PITPNC1: variants seen among roughly 807,000 people sequenced by gnomAD.
PITPNC1 encodes phosphatidylinositol transfer protein cytoplasmic 1, also known as cytoplasmic phosphatidylinositol transfer protein 1.
A neutral mutation model predicts 44.7 loss-of-function variants in PITPNC1; 18 were observed. The ratio of observed to expected loss-of-function variants is 0.40; its 90% CI spans 0.28 to 0.60. The LOEUF (loss-of-function observed/expected upper bound fraction) is 0.60, where lower values mean the gene tolerates loss of function less well. Among genes scored for constraint, PITPNC1 ranks in the 20% least tolerant of loss-of-function variants. The pLI, the probability that PITPNC1 is intolerant of heterozygous loss-of-function variation, is 0.39. For missense variants in PITPNC1, 290 were observed against 418.4 expected (o/e 0.69, Z 2.68); for synonymous variants, 141 against 149.6 (o/e 0.94, Z 0.42).
chr17:67,596,004 G>A (rs543350668), intron 5 of PITPNC1, among the ~76,000 whole-genome samples: 1 of 152,176 alleles, frequency 6.6e-6, no homozygotes, highest in South Asian at 2.1e-4. Flanking sequence ...AGATACTCAG[G>A]GGTAAAACCA....
rs562355225 is a variant in PITPNC1, at chr17:67,624,533, GTTTGTTTTGT to G, written c.367-7596_367-7587del. Among the ~76,000 whole-genome samples, 402 of 151,386 alleles carry G rather than the reference GTTTGTTTTGT, an allele frequency of 2.7e-3. 4 individuals are homozygous for G. Among genetic ancestry groups the G allele is most frequent in the Non-Finnish European group, 3.7e-3 (254 of 67,836 alleles). On this transcript the variant is annotated intron_variant, in intron 5 of 8. Transcript: ENST00000581322. ...TTCTTTCTTTCTGTTTTGTTTTTTT[GTTTGTTTTGT>G]TTTGTTTTGTTTTTTATTTATACCG...
In PITPNC1 at chr17:67,679,302, T is replaced by A. The variant is rs568131019; in HGVS notation, c.682+3760T>A. Among the ~76,000 whole-genome samples, 9 of 152,344 alleles carry A rather than the reference T, an allele frequency of 5.9e-5. No homozygotes were observed. In the South Asian group the frequency reaches 1.9e-3, roughly 32 times the overall value. On this transcript the variant is annotated intron_variant, in intron 8 of 8. Coordinates refer to ENST00000581322, the MANE Select transcript of PITPNC1 (RefSeq NM_012417.4). ...TTTAAAATGATTGCAGGAACCCAAA[T>A]TCTTACAACTCTGATTTCTTGTGAG...
chr17:67,540,876 T>G (rs1385867901), intron 2 of PITPNC1, among the ~76,000 whole-genome samples: 1 of 152,190 alleles, frequency 6.6e-6, no homozygotes, highest in African/African-American at 2.4e-5. Flanking sequence ...AGATATCCTT[T>G]CCATACCCTT....
At chr17:67,455,874 C>G (rs1188870075) in intron 1 of PITPNC1, among the ~76,000 whole-genome samples, 2 of 152,088 alleles carry the variant, frequency 1.3e-5, no homozygotes, top group Non-Finnish European at 2.9e-5. Flanking sequence ...TACTTGGTTA[C>G]TGGGTTTGTG....
chr17:67,403,455 C>CT (rs1162118778), intron 1 of PITPNC1, among the ~76,000 whole-genome samples: 1 of 152,086 alleles, frequency 6.6e-6, no homozygotes, highest in Admixed American at 6.6e-5. Flanking sequence ...GTGAAGCCAA[C>CT]TTTTTTAGTG....
intron 2 of PITPNC1, among the ~76,000 whole-genome samples, chr17:67,548,752 T>C (rs1160400184): frequency 6.6e-6 from 1 of 152,110 alleles, no homozygotes; most frequent in African/African-American, 2.4e-5. Flanking sequence ...AGATGGGCCA[T>C]TGGAGGTTTG....
intron 1 of PITPNC1, among the ~76,000 whole-genome samples, chr17:67,489,747 T>A (rs1395835375): frequency 1.3e-5 from 2 of 152,140 alleles, no homozygotes; most frequent in Non-Finnish European, 2.9e-5. Flanking sequence ...TTCTTTTTTC[T>A]TTTTCTTTTT....
intron 6 of PITPNC1, among the ~76,000 whole-genome samples, chr17:67,632,871 T>C (rs2041989057): frequency 6.6e-6 from 1 of 152,164 alleles, no homozygotes; most frequent in Non-Finnish European, 1.5e-5. Context: ...GTTTTATTTG[T>C]ATCTGAATCA....
In PITPNC1 at chr17:67,597,727, G is replaced by T. The variant is rs2041478540; in HGVS notation, c.366+19470G>T. ...TGTTAAACATCTATTCGGCACCAGG[G>T]GTTGTTAGGCTGGTGGAAGGGACAG... On this transcript the variant is annotated intron_variant, in intron 5 of 8. Transcript: ENST00000581322. This position sits in a 1 kb window ranked among gnomAD's most constrained non-coding sequence, Gnocchi z 4.0. Among the ~76,000 whole-genome samples the T allele has an allele frequency of 6.6e-6, 1 of 152,180 alleles. No homozygotes were observed. The highest frequency in any genetic ancestry group is 1.5e-5 in the Non-Finnish European group (1 of 68,034).
At chr17:67,626,735 G>A (rs570336496) in intron 5 of PITPNC1, among the ~76,000 whole-genome samples, 1 of 151,828 alleles carries the variant, frequency 6.6e-6, no homozygotes, top group African/African-American at 2.4e-5. Flanking sequence ...ATAGTAGGAG[G>A]CTGTCACCCT....
chr17:67,593,899 T>TA (rs1257447789), intron 5 of PITPNC1, among the ~76,000 whole-genome samples: 3 of 151,966 alleles, frequency 2.0e-5, no homozygotes, highest in Non-Finnish European at 4.4e-5. Context: ...GTACGTCACT[T>TA]AAAAAAAATA....
At chr17:67,626,104 G>GCCT (rs2041892696) in intron 5 of PITPNC1, among the ~76,000 whole-genome samples, 1 of 151,690 alleles carries the variant, frequency 6.6e-6, no homozygotes, top group Admixed American at 6.6e-5. Flanking sequence ...TCATGCCTCA[G>GCCT]CCTCCTGAGT....
intron 1 of PITPNC1, among the ~76,000 whole-genome samples, chr17:67,425,154 C>G (rs1222529174): frequency 6.7e-6 from 1 of 149,946 alleles, no homozygotes; most frequent in Non-Finnish European, 1.5e-5. Context: ...ACTCAGCCCG[C>G]CTGCACCCAG....
intron 1 of PITPNC1, among the ~76,000 whole-genome samples, chr17:67,429,109 G>A (rs941087831): frequency 2.0e-5 from 3 of 151,944 alleles, no homozygotes; most frequent in African/African-American, 7.2e-5. Context: ...CCAAAGTGCT[G>A]GGATTACAGG....
intron 6 of PITPNC1, among the ~76,000 whole-genome samples, chr17:67,650,441 CTTTTTTT>C (rs34611864): frequency 1.4e-5 from 1 of 70,984 alleles, no homozygotes; most frequent in Non-Finnish European, 2.4e-5. Context: ...AAACCATAGG[CTTTTTTT>C]TTTTTTTTTT....
At chr17:67,592,828 G>A (rs557902347) in intron 5 of PITPNC1, among the ~76,000 whole-genome samples, 14 of 152,334 alleles carry the variant, frequency 9.2e-5, no homozygotes, top group African/African-American at 2.9e-4. Flanking sequence ...CTTGAGTCCA[G>A]GAGTTCAAGG....
At chr17:67,384,347 A>G (rs1457110542) in intron 1 of PITPNC1, among the ~76,000 whole-genome samples, 1 of 152,060 alleles carries the variant, frequency 6.6e-6, no homozygotes, top group Non-Finnish European at 1.5e-5. Context: ...ATTTCTGAGA[A>G]CGGATTTGGG....
chr17:67,469,871 T>A (rs981188285), intron 1 of PITPNC1, among the ~76,000 whole-genome samples: 1 of 152,114 alleles, frequency 6.6e-6, no homozygotes, highest in East Asian at 1.9e-4. Flanking sequence ...AGAGATTTTT[T>A]AAAAATCAGC....
chr17:67,416,023 G>T (rs553454767), intron 1 of PITPNC1, among the ~76,000 whole-genome samples: 62 of 152,042 alleles, frequency 4.1e-4, no homozygotes, highest in Non-Finnish European at 6.8e-4. Context: ...AAAATTGAAG[G>T]CATGGCACTA....
Sources: gnomAD v4.1 joint callset for allele counts (sites outside exome capture counted in the v4.1 genomes callset) on GRCh38, gnomAD v4.1.1 for gene constraint, Gnocchi (gnomAD v3.1) non-coding constraint, MANE v1.5 for transcripts, NCBI Gene and HGNC (gene_info 2026-07-23, HGNC 2026-07-21) for gene names.